The following BCAS3 variants were observed in gnomAD, a reference collection of about 807,000 sequenced individuals.
The protein encoded by BCAS3 is BCAS4/BCAS3 fusion.
A neutral mutation model predicts 116.1 loss-of-function variants in BCAS3; 53 were observed. That is an observed-to-expected ratio of 0.46 (90% confidence interval 0.37 to 0.57). The LOEUF is 0.57. BCAS3 is among the 20% of genes least tolerant of loss of function. BCAS3 has a pLI of 0.00. For missense variants in BCAS3, 917 were observed against 1,165.4 expected (o/e 0.79, Z 3.10); for synonymous variants, 391 against 408.2 (o/e 0.96, Z 0.51).
chr17:61,114,212 C>T (rs2075279614), intron 22 of BCAS3, among the ~76,000 whole-genome samples: 1 of 135,702 alleles, frequency 7.4e-6, no homozygotes, highest in Non-Finnish European at 1.6e-5. Flanking sequence ...CACTCCTATT[C>T]AACATAGTGT....
rs1325711590 is a variant in BCAS3 at position 61,211,689 on chromosome 17, C to T, written c.2425+127125C>T. On this transcript the variant is annotated intron_variant, in intron 22 of 23. Transcript: ENST00000407086. This position sits in a 1 kb window ranked among gnomAD's most constrained non-coding sequence, Gnocchi z 4.4. ...TCTCCATAAAAAAAAAAAAAAAATG[C>T]CACTGACATTACAGCCAAGGAACCA... 6.7e-6 allele frequency among the ~76,000 whole-genome samples: 1 copy of T among 148,850 alleles called. No homozygotes were observed. Among genetic ancestry groups the T allele is most frequent in the Non-Finnish European group, 1.5e-5 (1 of 67,426 alleles).
At chr17:61,252,754 A>G (rs2048463192) in intron 22 of BCAS3, among the ~76,000 whole-genome samples, 1 of 152,102 alleles carries the variant, frequency 6.6e-6, no homozygotes, top group Non-Finnish European at 1.5e-5. Flanking sequence ...GATAGAACCA[A>G]TTGTGGAATC....
intron 7 of BCAS3, among the ~76,000 whole-genome samples, chr17:60,814,306 T>TGCGTGCGCGC (rs1555731472): frequency 3.4e-5 from 5 of 148,302 alleles, no homozygotes; most frequent in Middle Eastern, 3.5e-3. Context: ...TGTGTGTGTG[T>TGCGTGCGCGC]GCGCGCGTGC....
rs2072166730 is a variant in BCAS3, at chr17:61,077,767, A to C, written c.2131-566A>C. On this transcript the variant is annotated intron_variant, in intron 20 of 23. Coordinates refer to ENST00000407086, the MANE Select transcript of BCAS3 (RefSeq NM_017679.5). This position sits in a 1 kb window ranked among gnomAD's most constrained non-coding sequence, Gnocchi z 4.3. ...GATTGGGGTAATATTAGGGCAGTAT[A>C]ATAAATATTATAATATTTTATTGTG... Among the ~76,000 whole-genome samples the C allele has an allele frequency of 6.6e-6, 1 of 152,202 alleles. No homozygotes were observed. Among genetic ancestry groups the C allele is most frequent in the African/African-American group, 2.4e-5 (1 of 41,456 alleles).
chr17:61,026,796 A>G lies in BCAS3; in HGVS notation c.1638-7870A>G. 1.5e-6 allele frequency: 2 copies of G among 1,361,978 alleles called. No homozygotes were observed. Among genetic ancestry groups the G allele is most frequent in the South Asian group, 1.2e-5 (1 of 80,140 alleles). 84.4% of individuals were successfully genotyped at this position (1,361,978 alleles called of 1,614,324 possible). On this transcript the variant is annotated intron_variant, in intron 16 of 23. Coordinates refer to ENST00000407086, the MANE Select transcript of BCAS3 (RefSeq NM_017679.5). The surrounding 1 kb of genome is among the most constrained non-coding windows in gnomAD (Gnocchi z 5.0). ...TCCATACTCTATAACAGTATGATATACTTGTATTTGCTAATGTTAAATGAG... is the reference window on the plus strand; with the variant it reads ...TCCATACTCTATAACAGTATGATATGCTTGTATTTGCTAATGTTAAATGAG...
chr17:61,002,903 CTGT>C (rs766557703), intron 15 of BCAS3, among the ~76,000 whole-genome samples: 5 of 151,998 alleles, frequency 3.3e-5, no homozygotes, highest in Non-Finnish European at 7.4e-5. Flanking sequence ...TGGACACTTA[CTGT>C]TGTTGTTTAC....
At chr17:60,921,633 A>AAAAC (rs1567873090) in intron 12 of BCAS3, among the ~76,000 whole-genome samples, 1 of 151,298 alleles carries the variant, frequency 6.6e-6, no homozygotes, top group Non-Finnish European at 1.5e-5. Flanking sequence ...AAAAAAAAAA[A>AAAAC]AAACATTGAC....
chr17:60,941,728 T>A (rs950539058), intron 13 of BCAS3, among the ~76,000 whole-genome samples: 3 of 152,174 alleles, frequency 2.0e-5, no homozygotes, highest in African/African-American at 7.2e-5. Flanking sequence ...TAATCATAAC[T>A]AAACAGAGAT....
chr17:61,207,092 C>T (rs1301429065), intron 22 of BCAS3, among the ~76,000 whole-genome samples: 3 of 152,060 alleles, frequency 2.0e-5, no homozygotes, highest in Non-Finnish European at 2.9e-5. Flanking sequence ...AGCACCTTTT[C>T]GAAGTTTTCT....
At position 60,956,657 on chromosome 17, in the gene BCAS3, T is replaced by G. The variant is rs1237351763; in HGVS notation, c.1221+9305T>G. Among the ~76,000 whole-genome samples the G allele has an allele frequency of 6.6e-6, 1 of 152,224 alleles. No individual in the cohort carries two copies. Among genetic ancestry groups the G allele is most frequent in the African/African-American group, 2.4e-5 (1 of 41,468 alleles). On this transcript the variant is annotated intron_variant, in intron 14 of 23. Coordinates refer to ENST00000407086, the MANE Select transcript of BCAS3 (RefSeq NM_017679.5). The surrounding 1 kb of genome is among the most constrained non-coding windows in gnomAD (Gnocchi z 4.2). ...ATATTGTAGTGCAAATGTTTGCTAA[T>G]GCCAGTGATGTTCCTACTTAACAGG...
intron 12 of BCAS3, among the ~76,000 whole-genome samples, chr17:60,921,356 T>C (rs1210590646): frequency 6.6e-6 from 1 of 152,038 alleles, no homozygotes; most frequent in African/African-American, 2.4e-5. Flanking sequence ...GAGCTAAACA[T>C]TGACCACACC....
chr17:60,679,979 A>G (rs1332750153), intron 2 of BCAS3, among the ~76,000 whole-genome samples: 1 of 151,982 alleles, frequency 6.6e-6, no homozygotes, highest in African/African-American at 2.4e-5. Context: ...TCTACTAAAA[A>G]TACAAAAAAT....
chr17:60,874,062 T>A (rs948651643), intron 8 of BCAS3, among the ~76,000 whole-genome samples: 1 of 152,012 alleles, frequency 6.6e-6, no homozygotes, highest in Non-Finnish European at 1.5e-5. Flanking sequence ...AAAACAAAAC[T>A]TTACTTTGTG....
At position 61,105,482 on chromosome 17, in the gene BCAS3, T is replaced by A. The variant is rs953040307; in HGVS notation, c.2425+20918T>A. 6.6e-6 allele frequency among the ~76,000 whole-genome samples: 1 copy of A among 152,220 alleles called. No homozygotes were observed. The highest frequency in any genetic ancestry group is 2.4e-5 in the African/African-American group (1 of 41,472). ...TCTTGTTGCCCAGGCTGCAGTGCAA[T>A]GGCGCGACCTTGGCTCAAAGCAAGC... is the stretch of plus-strand genomic sequence containing the variant. On this transcript the variant is annotated intron_variant, in intron 22 of 23. Coordinates refer to ENST00000407086, the MANE Select transcript of BCAS3 (RefSeq NM_017679.5). This position sits in a 1 kb window ranked among gnomAD's most constrained non-coding sequence, Gnocchi z 4.3.
At chr17:60,727,578 A>G in intron 5 of BCAS3, 1 of 938,196 alleles carries the variant, frequency 1.1e-6, no homozygotes, top group South Asian at 2.1e-5. Flanking sequence ...GAAAGGAAAA[A>G]ACAGACTTTA....
At chr17:60,933,199 AC>A (rs1274506760) in intron 13 of BCAS3, among the ~76,000 whole-genome samples, 1 of 152,192 alleles carries the variant, frequency 6.6e-6, no homozygotes, top group African/African-American at 2.4e-5. Context: ...CATGGAAATG[AC>A]ATTTTTATGT....
rs1288572161 is a variant in BCAS3 at position 61,020,145 on chromosome 17, T to A, written c.1637+4244T>A. On this transcript the variant is annotated intron_variant, in intron 16 of 23. Transcript: ENST00000407086. The surrounding 1 kb of genome is among the most constrained non-coding windows in gnomAD (Gnocchi z 4.5). The stretch of plus-strand genomic sequence containing the variant: ...TTCTAAAGTAGAGATTTCTAAAGAT[T>A]TCTAGGATCCAGTAATTAAATACCC... Among the ~76,000 whole-genome samples the A allele has an allele frequency of 6.6e-6, 1 of 152,190 alleles. No individual in the cohort carries two copies. The highest frequency in any genetic ancestry group is 1.5e-5 in the Non-Finnish European group (1 of 68,036).
rs553413976 is a variant in BCAS3, at chr17:61,227,947, A to C, written c.2426-140380A>C. Among the ~76,000 whole-genome samples the C allele has an allele frequency of 6.6e-6, 1 of 152,180 alleles. No homozygotes were observed. The highest frequency in any genetic ancestry group is 1.5e-5 in the Non-Finnish European group (1 of 68,024). ...TACTTGGGAGTGAACCCTCAGGGAA[A>C]TAAAGTGCAAAGGCTTAGCCACAGG... is the stretch of plus-strand genomic sequence containing the variant. On this transcript the variant is annotated intron_variant, in intron 22 of 23. Transcript: ENST00000407086. This position sits in a 1 kb window ranked among gnomAD's most constrained non-coding sequence, Gnocchi z 6.1.
At chr17:61,170,506 A>G (rs1270198500) in intron 22 of BCAS3, among the ~76,000 whole-genome samples, 2 of 151,468 alleles carry the variant, frequency 1.3e-5, no homozygotes, top group African/African-American at 4.9e-5. Context: ...GTTAGCCAGG[A>G]TGGTCTTGAT....
Sources: gnomAD v4.1 joint callset for allele counts (sites outside exome capture counted in the v4.1 genomes callset) on GRCh38, gnomAD v4.1.1 for gene constraint, Gnocchi (gnomAD v3.1) non-coding constraint, MANE v1.5 for transcripts, NCBI Gene and HGNC (gene_info 2026-07-23, HGNC 2026-07-21) for gene names.